The following ADCK1 variants were observed in gnomAD, a reference collection of about 807,000 sequenced individuals.
ADCK1 encodes aarF domain containing kinase 1.
A neutral mutation model predicts 52.3 loss-of-function variants in ADCK1; 41 were observed. That is an observed-to-expected ratio of 0.78 (90% CI 0.61 to 1.02). The LOEUF (loss-of-function observed/expected upper bound fraction) is 1.02. Ranked by LOEUF, ADCK1 falls within the 50% of genes least tolerant of loss-of-function variation. The probability of loss-of-function intolerance (pLI) is 0.00; values close to 1 mark genes in which losing one functional copy is unlikely to be tolerated. For missense variants in ADCK1, 658 were observed against 679.5 expected, an observed-to-expected ratio of 0.97 and a Z score of 0.35; for synonymous variants, 250 against 274.6, an observed-to-expected ratio of 0.91 and a Z score of 0.89.
intron 4 of ADCK1, among the ~76,000 whole-genome samples, chr14:77,882,976 T>G (rs1457485521): frequency 4.2e-5 from 5 of 119,562 alleles, no homozygotes; most frequent in African/African-American, 1.6e-4. Context: ...CCGTGCTTTT[T>G]TGCTCATTAA....
intron 3 of ADCK1, among the ~76,000 whole-genome samples, chr14:77,850,775 C>G (rs2082268555): frequency 6.6e-6 from 1 of 151,532 alleles, no homozygotes; most frequent in Non-Finnish European, 1.5e-5. Context: ...CTCAGCTTCC[C>G]GAGTAGCTGG....
intron 10 of ADCK1, among the ~76,000 whole-genome samples, chr14:77,932,968 G>A (rs1452855611): frequency 6.6e-6 from 1 of 152,220 alleles, no homozygotes; most frequent in African/African-American, 2.4e-5. Context: ...GGGTTTATTA[G>A]ACCATTGATG....
intron 1 of ADCK1, among the ~76,000 whole-genome samples, chr14:77,809,735 G>C (rs1447908820): frequency 1.3e-5 from 2 of 150,698 alleles, no homozygotes; most frequent in African/African-American, 4.9e-5. Context: ...AATAAATGAG[G>C]TTTAAAATCA....
chr14:77,810,858 T>C (rs1406873881), intron 1 of ADCK1, among the ~76,000 whole-genome samples: 2 of 152,152 alleles, frequency 1.3e-5, no homozygotes, highest in Non-Finnish European at 2.9e-5. Flanking sequence ...CACGGTCTCT[T>C]CATACTGCCT....
At chr14:77,897,630 A>G (rs1002092146) in intron 5 of ADCK1, among the ~76,000 whole-genome samples, 1 of 152,212 alleles carries the variant, frequency 6.6e-6, no homozygotes, top group African/African-American at 2.4e-5. Context: ...CAAGTGGTCA[A>G]ATTCCTTCTC....
At chr14:77,873,593 G>T (rs2082833377) in intron 4 of ADCK1, among the ~76,000 whole-genome samples, 1 of 152,218 alleles carries the variant, frequency 6.6e-6, no homozygotes, top group African/African-American at 2.4e-5. Flanking sequence ...ATGAGGCTGG[G>T]TGATATGCTT....
chr14:77,819,447 C>T (rs1183495542), intron 2 of ADCK1, among the ~76,000 whole-genome samples: 1 of 152,124 alleles, frequency 6.6e-6, no homozygotes, highest in Non-Finnish European at 1.5e-5. Flanking sequence ...CAAGAGGGGC[C>T]GTGCTCTTCA....
At chr14:77,909,607 GCCATGTGA>G (rs367556605) in intron 7 of ADCK1, among the ~76,000 whole-genome samples, 256 of 152,272 alleles carry the variant, frequency 1.7e-3, no homozygotes, top group African/African-American at 5.9e-3. Flanking sequence ...CCTCCTGGTG[GCCATGTGA>G]CTGCTGTAAA....
chr14:77,852,995 G>A (rs377085397), intron 3 of ADCK1, among the ~76,000 whole-genome samples: 28 of 133,128 alleles, frequency 2.1e-4, no homozygotes, highest in African/African-American at 3.8e-4. Context: ...GCAACCCATC[G>A]TCCCCCTTGG....
At chr14:77,893,736 C>CCTTCCTTCCTTT (rs10634042) in intron 5 of ADCK1, among the ~76,000 whole-genome samples, 67,069 of 132,698 alleles carry the variant, frequency 0.51, 16,987 homozygotes, top group Admixed American at 0.58. Context: ...TTCCTTCCTT[C>CCTTCCTTCCTTT]CTTTTTTTTT....
At chr14:77,841,323 A>G (rs2140089797) in intron 3 of ADCK1, among the ~76,000 whole-genome samples, 1 of 152,272 alleles carries the variant, frequency 6.6e-6, no homozygotes, top group South Asian at 2.1e-4. Flanking sequence ...ACGGAACCCC[A>G]TGCTGTATGG....
At chr14:77,822,760 A>C (rs1280315538) in intron 3 of ADCK1, among the ~76,000 whole-genome samples, 1 of 152,116 alleles carries the variant, frequency 6.6e-6, no homozygotes, top group African/African-American at 2.4e-5. Flanking sequence ...TTGGCCACTG[A>C]GGGTTTGGAA....
intron 1 of ADCK1, among the ~76,000 whole-genome samples, chr14:77,801,889 C>T (rs940211042): frequency 3.3e-5 from 5 of 152,058 alleles, no homozygotes; most frequent in Admixed American, 6.6e-5. Flanking sequence ...TGCAGTGAGC[C>T]GAGATCGTGT....
chr14:77,888,309 C>T (rs1399913760), intron 5 of ADCK1, among the ~76,000 whole-genome samples: 1 of 152,050 alleles, frequency 6.6e-6, no homozygotes, highest in East Asian at 1.9e-4. Context: ...GGAGATGAGG[C>T]TGGGAAGGTA....
chr14:77,908,864 C>T (rs537217415), intron 7 of ADCK1, among the ~76,000 whole-genome samples: 5 of 152,284 alleles, frequency 3.3e-5, no homozygotes, highest in Admixed American at 2.6e-4. Context: ...GGAAGAGGCA[C>T]TGAGGCCTGC....
intron 3 of ADCK1, among the ~76,000 whole-genome samples, chr14:77,836,877 G>A (rs1313047778): frequency 2.0e-5 from 3 of 148,022 alleles, no homozygotes; most frequent in Non-Finnish European, 4.4e-5. Flanking sequence ...GGGTTTAAGC[G>A]ATTCCCCTGC....
chr14:77,820,417 A>C (rs1185399012), intron 2 of ADCK1, among the ~76,000 whole-genome samples: 4 of 151,018 alleles, frequency 2.6e-5, no homozygotes, highest in Non-Finnish European at 4.4e-5. Context: ...TGCAACCTCC[A>C]CCTCCTGGGA....
chr14:77,838,804 A>G (rs775924202), intron 3 of ADCK1, among the ~76,000 whole-genome samples: 10 of 152,224 alleles, frequency 6.6e-5, no homozygotes, highest in Non-Finnish European at 1.5e-4. Flanking sequence ...AGTGCAGACT[A>G]TCTAAGCCAC....
At chr14:77,804,212 A>G (rs982136922) in intron 1 of ADCK1, among the ~76,000 whole-genome samples, 6 of 152,320 alleles carry the variant, frequency 3.9e-5, no homozygotes, top group Admixed American at 3.3e-4. Flanking sequence ...TAGTAAGCAG[A>G]ACAGGGCAGG....
Sources: allele counts gnomAD v4.1 joint callset (sites outside exome capture counted in the v4.1 genomes callset), GRCh38; gene constraint gnomAD v4.1.1; transcripts MANE v1.5; gene names NCBI Gene and HGNC (gene_info 2026-07-23, HGNC 2026-07-21).